Variants in CCDC180 observed in about 807,000 individuals in gnomAD.
The protein encoded by CCDC180 is coiled-coil domain-containing protein 180.
In CCDC180, 154 loss-of-function variants were observed where a neutral mutation model predicts 209.2. The observed-to-expected ratio is 0.74, with a 90% CI of 0.65 to 0.84. The LOEUF (loss-of-function observed/expected upper bound fraction) is 0.84, where lower values mean the gene tolerates loss of function less well. Ranked by LOEUF, CCDC180 falls within the 40% of genes least tolerant of loss-of-function variation. The pLI, the probability that CCDC180 is intolerant of heterozygous loss-of-function variation, is 0.00. For missense variants in CCDC180, 1,874 were observed against 1,997.3 expected, an observed-to-expected ratio of 0.94 and a Z score of 1.18; for synonymous variants, 778 against 749.1, an observed-to-expected ratio of 1.04 and a Z score of -0.63.
intron 27 of CCDC180, 35 bp from the exon 28 acceptor site, chr9:97,362,161 C>T (rs372481415): frequency 1.3e-5 from 20 of 1,591,172 alleles, no homozygotes; most frequent in East Asian, 6.7e-5. Context: ...CCATGGTCAC[C>T]GGAGAAGAGC....
rs773111696 is a variant in CCDC180, at chr9:97,359,939, C to T, written c.3364-43C>T. 5.0e-6 allele frequency: 8 copies of T among 1,609,120 alleles called. No individual in the cohort carries two copies. In the East Asian group the frequency reaches 1.1e-4, roughly 22 times the overall value. ...CCCACAGAATCTACCCACCCTCCTG[C>T]AGTCTGCTTCCTTGGGGCTTTCTTC... On this transcript the variant is annotated intron_variant, in intron 25 of 36. Transcript: ENST00000529487.
At chr9:97,376,547 A>T in intron 36 of CCDC180, 1 of 468,128 alleles carries the variant, frequency 2.1e-6, no homozygotes, top group Non-Finnish European at 3.9e-6. Context: ...TAGCTGGGTG[A>T]CCCCAGGCCA....
At chr9:97,353,592 C>T (rs530081313) in intron 22 of CCDC180, among the ~76,000 whole-genome samples, 2 of 152,304 alleles carry the variant, frequency 1.3e-5, no homozygotes, top group Admixed American at 1.3e-4. Context: ...CATTGCATTC[C>T]TTCAGAGAGA....
At chr9:97,323,118 C>T (rs1833411201) in intron 12 of CCDC180, among the ~76,000 whole-genome samples, 197 bp downstream of exon 12, 1 of 152,086 alleles carries the variant, frequency 6.6e-6, no homozygotes. Flanking sequence ...GCCTGGTGCT[C>T]ACTGGTCTCT....
At chr9:97,346,843 C>G (rs7851516) in intron 19 of CCDC180, among the ~76,000 whole-genome samples, 1 of 152,178 alleles carries the variant, frequency 6.6e-6, no homozygotes, top group East Asian at 1.9e-4. Flanking sequence ...TCCCAAAGTG[C>G]TGGGATCATA....
At chr9:97,353,187 C>G (rs534731241) in intron 22 of CCDC180, among the ~76,000 whole-genome samples, 3 of 151,842 alleles carry the variant, frequency 2.0e-5, no homozygotes, top group Non-Finnish European at 4.4e-5. Flanking sequence ...AGTAGAGACA[C>G]GGTTTCACCA....
chr9:97,362,227 T>C lies in CCDC180; in HGVS notation c.3688T>C (p.Cys1230Arg), dbSNP rs771359138. ...LPNTKWPTHH[C>R]DKDPSQTGRG... The stretch of plus-strand genomic sequence containing the variant: ...CAACACAAAATGGCCAACCCACCAT[T>C]GTGACAAAGATCCGTCCCAGACAGG... Residue 1230 changes from cysteine to arginine, a missense_variant, in exon 28 of 37, where the codon TGT (cysteine) becomes CGT (arginine). By Grantham distance (180) the Cys-to-Arg change is radical. Transcript: ENST00000529487. The C allele has an allele frequency of 7.4e-6, 12 of 1,613,464 alleles. No individual in the cohort carries two copies. The highest frequency in any genetic ancestry group is 5.3e-5 in the African/African-American group (4 of 74,852).
At chr9:97,316,252 C>T (rs1833168390) in intron 8 of CCDC180, among the ~76,000 whole-genome samples, 1 of 152,286 alleles carries the variant, frequency 6.6e-6, no homozygotes, top group South Asian at 2.1e-4. Context: ...TCACAAAATC[C>T]CTATGCTATA....
chr9:97,327,362 A>G (rs1833567695), intron 15 of CCDC180, among the ~76,000 whole-genome samples: 1 of 152,146 alleles, frequency 6.6e-6, no homozygotes, highest in Non-Finnish European at 1.5e-5. Flanking sequence ...TACCGTGCAA[A>G]TTGTTCCATA....
intron 5 of CCDC180, 123 bp from the exon 6 acceptor site, chr9:97,314,270 G>A (rs1587781135): frequency 1.3e-5 from 15 of 1,191,402 alleles, no homozygotes; most frequent in African/African-American, 3.0e-5. Flanking sequence ...AACTCGTTAG[G>A]TCTAGGCAAT....
chr9:97,328,937 G>C (rs1399082895), intron 16 of CCDC180, among the ~76,000 whole-genome samples: 1 of 152,134 alleles, frequency 6.6e-6, no homozygotes, highest in African/African-American at 2.4e-5. Flanking sequence ...AATGCTCTCT[G>C]GGTAAATGCA....
At chr9:97,339,876 T>C (rs1265857992) in intron 18 of CCDC180, among the ~76,000 whole-genome samples, 1 of 152,174 alleles carries the variant, frequency 6.6e-6, no homozygotes, top group African/African-American at 2.4e-5. Context: ...CTTTTTTCTC[T>C]AAACTTCTCT....
chr9:97,308,215 T>G, intron 2 of CCDC180, 83 bp downstream of exon 2: 1 of 1,276,928 alleles, frequency 7.8e-7, no homozygotes, highest in Non-Finnish European at 1.0e-6. Context: ...AGGGCTTCCC[T>G]ACTGGAAATT....
At chr9:97,317,013 G>A in intron 8 of CCDC180, 52 bp from the exon 9 acceptor site, 1 of 1,530,076 alleles carries the variant, frequency 6.5e-7, no homozygotes. Context: ...GCCTTGCCCT[G>A]ACCCGAGAGA....
chr9:97,350,984 A>G (rs1194406351), intron 22 of CCDC180, among the ~76,000 whole-genome samples: 1 of 152,264 alleles, frequency 6.6e-6, no homozygotes, highest in East Asian at 1.9e-4. Context: ...CATGTGTCAC[A>G]AAATCATTCC....
At chr9:97,344,047 C>T (rs1441962639) in intron 19 of CCDC180, among the ~76,000 whole-genome samples, 2 of 152,168 alleles carry the variant, frequency 1.3e-5, no homozygotes, top group Non-Finnish European at 2.9e-5. Flanking sequence ...CCAAAAGATA[C>T]TGCCAAAGAG....
At chr9:97,322,969 C>G (rs764619328) in intron 12 of CCDC180, 48 bp downstream of exon 12, 1 of 1,505,488 alleles carries the variant, frequency 6.6e-7, no homozygotes, top group South Asian at 1.1e-5. Flanking sequence ...TGGGCAGGAC[C>G]TGAAGTGCCT....
At chr9:97,329,379 C>T (rs1299181840) in intron 16 of CCDC180, among the ~76,000 whole-genome samples, 2 of 152,200 alleles carry the variant, frequency 1.3e-5, no homozygotes, top group South Asian at 2.1e-4. Context: ...ATTCCACAGC[C>T]TGCACTGTTA....
intron 3 of CCDC180, among the ~76,000 whole-genome samples, chr9:97,310,365 C>A (rs1832943193): frequency 6.6e-6 from 1 of 152,148 alleles, no homozygotes; most frequent in African/African-American, 2.4e-5. Context: ...TGGTCTCTGG[C>A]CTGAGTGCTG....
Sources: allele counts gnomAD v4.1 joint callset (sites outside exome capture counted in the v4.1 genomes callset), GRCh38; gene constraint gnomAD v4.1.1; transcripts MANE v1.5; gene names NCBI Gene and HGNC (gene_info 2026-07-23, HGNC 2026-07-21).